Variants in NMUR1 observed in about 807,000 individuals in gnomAD.
NMUR1 encodes the protein neuromedin U receptor 1, also known as neuromedin-U receptor 1.
Under a neutral mutation model 18.8 loss-of-function variants are expected in NMUR1, and 16 were observed. The ratio of observed to expected loss-of-function variants is 0.85; its 90% CI spans 0.58 to 1.29. The LOEUF (loss-of-function observed/expected upper bound fraction) is 1.29. NMUR1 is among the 50% of genes most tolerant of loss of function. The probability of loss-of-function intolerance (pLI) is 0.00; values close to 1 mark genes in which losing one functional copy is unlikely to be tolerated. For synonymous variants in NMUR1, 258 were observed against 258.2 expected (o/e 1.00, Z 0.01); for missense variants, 529 against 580.3 (o/e 0.91, Z 0.91).
chr2:231,524,886 G>A lies in NMUR1; in HGVS notation c.*157C>T. The A allele has an allele frequency of 4.3e-6, 4 of 937,354 alleles. No homozygotes were observed. Among genetic ancestry groups the A allele is most frequent in the Non-Finnish European group, 6.1e-6 (4 of 651,528 alleles). The allele number at this position is 937,354 out of a possible 1,614,324, so 58.1% of individuals were successfully genotyped here. ...TCAGCAGTCAGGGATCCCTCCTCCT[G>A]CTGTTTCCCTCTGAGGGAAACTGAG... On this transcript the variant is annotated 3_prime_UTR_variant, in exon 3 of 3. Coordinates refer to ENST00000305141, the MANE Select transcript of NMUR1 (RefSeq NM_006056.5).
chr2:231,525,466 C>A, intron 2 of NMUR1, 41 bp from the exon 3 acceptor site: 5 of 1,561,522 alleles, frequency 3.2e-6, no homozygotes, highest in Non-Finnish European at 4.3e-6. Context: ...CCGCCCGAGG[C>A]CCCTCAGCTG....
downstream of NMUR1, among the ~76,000 whole-genome samples, chr2:231,522,845 C>G (rs1477073268): frequency 2.0e-5 from 3 of 152,320 alleles, no homozygotes; most frequent in Middle Eastern, 3.4e-3. Context: ...GCTCTCTGTC[C>G]GGGAGCCCCT....
At chr2:231,526,087 C>G (rs549582774) in intron 2 of NMUR1, among the ~76,000 whole-genome samples, 28 of 152,208 alleles carry the variant, frequency 1.8e-4, no homozygotes, top group African/African-American at 6.7e-4. Context: ...ACTTGCCAGG[C>G]CCTTGCCCAC....
At position 231,528,915 on chromosome 2, in the gene NMUR1, C is replaced by G. The variant is rs531895755; in HGVS notation, c.106G>C (p.Asp36His). The G allele has an allele frequency of 1.2e-6, 2 of 1,614,036 alleles. No homozygotes were observed. The highest frequency in any genetic ancestry group is 1.3e-5 in the African/African-American group (1 of 74,924). The change falls in exon 2 of 3, where the codon GAC (aspartate) becomes CAC (histidine). Residue 36 changes from aspartate (D) to histidine (H), a missense_variant. Transcript: ENST00000305141. Reference protein sequence around the residue: ...CNGSAARGHFDPEDLNLTDEA... With the variant: ...CNGSAARGHFHPEDLNLTDEA... ...TCAGTCAGGTTCAAGTCCTCAGGGT[C>G]AAAGTGCCCCCTGGCCGCACTGCCA...
At chr2:231,520,508 A>AG (rs1395944256), downstream of NMUR1, among the ~76,000 whole-genome samples, 1 of 152,224 alleles carries the variant, frequency 6.6e-6, no homozygotes, top group Non-Finnish European at 1.5e-5. Flanking sequence ...GACTGGGCTT[A>AG]GTCTTCCACT....
chr2:231,522,261 A>T (rs945432791), downstream of NMUR1, among the ~76,000 whole-genome samples: 1 of 149,784 alleles, frequency 6.7e-6, no homozygotes, highest in African/African-American at 2.4e-5. Flanking sequence ...CTGGGATTAC[A>T]GGCATGAGCC....
intron 1 of NMUR1, 115 bp downstream of exon 1, chr2:231,530,244 A>C: frequency 7.9e-7 from 1 of 1,260,206 alleles, no homozygotes; most frequent in Non-Finnish European, 1.1e-6. Context: ...GGTGGCGGGG[A>C]CGGGGGGCAC....
At position 231,524,918 on chromosome 2, in the gene NMUR1, G is replaced by C. The variant is rs1419302101; in HGVS notation, c.*125C>G. On this transcript the variant is annotated 3_prime_UTR_variant, in exon 3 of 3. Transcript: ENST00000305141. The stretch of plus-strand genomic sequence containing the variant: ...CCCTCTGAGGGAAACTGAGGTGCTG[G>C]TCAGAATTTCTAGGCTGAACTAGGG... 1.5e-6 allele frequency: 2 copies of C among 1,295,064 alleles called. No homozygotes were observed. The highest frequency in any genetic ancestry group is 1.5e-5 in the African/African-American group (1 of 67,726). 80.2% of individuals were successfully genotyped at this position (1,295,064 alleles called of 1,614,324 possible).
intron 1 of NMUR1, among the ~76,000 whole-genome samples, chr2:231,529,370 G>T (rs1315348830): frequency 2.0e-5 from 3 of 152,170 alleles, no homozygotes; most frequent in Non-Finnish European, 4.4e-5. Context: ...TGAGGCGGGA[G>T]AATTGTTTGA....
Position 231,524,978 on chromosome 2 carries a change from G to C in NMUR1, c.*65C>G, listed in dbSNP as rs2047340024. 6.7e-7 allele frequency: 1 copy of C among 1,500,986 alleles called. No individual in the cohort carries two copies. The highest frequency in any genetic ancestry group is 8.8e-7 in the Non-Finnish European group (1 of 1,131,312). 93.0% of individuals were successfully genotyped at this position (1,500,986 alleles called of 1,614,324 possible). A position where few individuals can be genotyped will look rare whatever the true frequency, so the allele number is the denominator to read the frequency against. On this transcript the variant is annotated 3_prime_UTR_variant, in exon 3 of 3. Coordinates refer to ENST00000305141, the MANE Select transcript of NMUR1 (RefSeq NM_006056.5). ...GAAGGCATCCCTGCAGAGGAAGGCA[G>C]ATGTGTCTCCCCAGCTCCAGGTGAC...
chr2:231,521,807 C>T (rs1325368087), downstream of NMUR1, among the ~76,000 whole-genome samples: 1 of 152,006 alleles, frequency 6.6e-6, no homozygotes, highest in Non-Finnish European at 1.5e-5. Flanking sequence ...GTGTTTTTGC[C>T]AGGTCTTGCT....
rs764736761 is a variant in NMUR1, at chr2:231,528,504, C to T, written c.517G>A (p.Val173Met). The change falls in exon 2 of 3, where the codon GTG (valine) becomes ATG (methionine). Residue 173 changes from valine to methionine, a missense_variant. Coordinates refer to ENST00000305141, the MANE Select transcript of NMUR1 (RefSeq NM_006056.5). ...VVHPLQARSM[V>M]TRAHVRRVLG... The stretch of plus-strand genomic sequence containing the variant: ...ACTCGGCGCACATGGGCCCGCGTCA[C>T]CATGGACCTGGCCTGGAGTGGGTGC... 2 of 1,613,822 alleles carry T rather than the reference C, an allele frequency of 1.2e-6. No homozygotes were observed. The highest frequency in any genetic ancestry group is 4.5e-5 in the East Asian group (2 of 44,886).
At chr2:231,521,487 G>A (rs746377681), downstream of NMUR1, among the ~76,000 whole-genome samples, 2 of 152,188 alleles carry the variant, frequency 1.3e-5, no homozygotes, top group African/African-American at 4.8e-5. Flanking sequence ...CACAGGGAGT[G>A]AGGATGTGAC....
At position 231,530,365 on chromosome 2, in the gene NMUR1, G is replaced by A; in HGVS notation, c.-4C>T. 4 of 1,487,112 alleles carry A rather than the reference G, an allele frequency of 2.7e-6. No individual in the cohort carries two copies. Among genetic ancestry groups the A allele is most frequent in the Non-Finnish European group, 3.6e-6 (4 of 1,125,998 alleles). 92.1% of individuals were successfully genotyped at this position (1,487,112 alleles called of 1,614,324 possible). ...CCGGCGCCTGCGCACCTACCATGCG[G>A]CCCGCGGCCCGCGAGACCCCGGCTT... is the stretch of plus-strand genomic sequence containing the variant. On this transcript the variant is annotated 5_prime_UTR_variant, in exon 1 of 3. Coordinates refer to ENST00000305141, the MANE Select transcript of NMUR1 (RefSeq NM_006056.5).
In NMUR1 at chr2:231,528,764, A is replaced by C; in HGVS notation, c.257T>G (p.Leu86Arg). ...AGGCGTGCGCATGGCCTTGTGGCGC[A>C]GGATGACCAGACAGGTCAGCCCATT... ...VGNGLTCLVI[L>R]RHKAMRTPTN... The change falls in exon 2 of 3, where the codon CTG (leucine) becomes CGG (arginine). Residue 86 changes from leucine to arginine, a missense_variant. Coordinates refer to ENST00000305141, the MANE Select transcript of NMUR1 (RefSeq NM_006056.5). 10 of 1,614,230 alleles carry C rather than the reference A, an allele frequency of 6.2e-6. No homozygotes were observed. Among genetic ancestry groups the C allele is most frequent in the Non-Finnish European group, 8.5e-6 (10 of 1,180,040 alleles).
chr2:231,529,044 A>G, intron 1 of NMUR1, 27 bp from the exon 2 acceptor site: 2 of 1,565,160 alleles, frequency 1.3e-6, no homozygotes, highest in Non-Finnish European at 1.7e-6. Context: ...AGAGATGCCC[A>G]GAAAGATCAT....
chr2:231,529,265 G>C (rs1322830452), intron 1 of NMUR1, among the ~76,000 whole-genome samples: 1 of 152,142 alleles, frequency 6.6e-6, no homozygotes, highest in African/African-American at 2.4e-5. Context: ...TTCAAGACCA[G>C]CCTGGCCAAT....
Position 231,528,552 on chromosome 2 carries a change from C to T in NMUR1, c.469G>A (p.Val157Met), listed in dbSNP as rs138003035. ...ASVLNVTALS[V>M]ERYVAVVHPL... ...TGCACCACGGCCACATAGCGTTCCA[C>T]GCTCAGGGCAGTGACGTTGAGCACT... The change falls in exon 2 of 3, where the codon GTG becomes ATG. Residue 157 changes from valine (V) to methionine (M), a missense_variant. Transcript: ENST00000305141. The T allele has an allele frequency of 3.1e-4, 500 of 1,614,044 alleles. 1 individual carries two copies. In the African/African-American group the frequency reaches 5.4e-3, roughly 18 times the overall value.
rs578019815 is a variant in NMUR1 at position 231,523,423 on chromosome 2, C to G, written c.*1620G>C. 1 of 337,414 alleles carries G rather than the reference C, an allele frequency of 3.0e-6. No individual in the cohort carries two copies. The highest frequency in any genetic ancestry group is 1.6e-4 in the South Asian group (1 of 6,422). 20.9% of individuals were successfully genotyped at this position (337,414 alleles called of 1,614,324 possible). Reference sequence around the variant, plus strand: ...AAGAACTCCTCACTTGCCCTTCCCCCATTCCCTGGCAAGAGAGGTTTTACA... The same window carrying G: ...AAGAACTCCTCACTTGCCCTTCCCCGATTCCCTGGCAAGAGAGGTTTTACA... On this transcript the variant is annotated 3_prime_UTR_variant, in exon 3 of 3. Transcript: ENST00000305141.
Sources: allele counts gnomAD v4.1 joint callset (sites outside exome capture counted in the v4.1 genomes callset), GRCh38; gene constraint gnomAD v4.1.1; transcripts MANE v1.5; gene names NCBI Gene and HGNC (gene_info 2026-07-23, HGNC 2026-07-21).